TIGAR: variants seen among roughly 807,000 people sequenced by gnomAD.
TIGAR encodes the protein fructose-2,6-bisphosphatase TIGAR.
Under a neutral mutation model 17.9 loss-of-function variants are expected in TIGAR, and 7 were observed. That is an observed-to-expected ratio of 0.39 (90% CI 0.22 to 0.73). The LOEUF (loss-of-function observed/expected upper bound fraction) is 0.73, where lower values mean the gene tolerates loss of function less well. Ranked by LOEUF, TIGAR falls within the 30% of genes least tolerant of loss-of-function variation. TIGAR has a pLI of 0.42. For synonymous variants in TIGAR, 94 were observed against 108.6 expected (o/e 0.87, Z 0.84); for missense variants, 258 against 327.4 (o/e 0.79, Z 1.64).
At chr12:4,351,991 C>G (rs1390016752) in intron 5 of TIGAR, among the ~76,000 whole-genome samples, 1 of 152,174 alleles carries the variant, frequency 6.6e-6, no homozygotes, top group African/African-American at 2.4e-5. Context: ...CTAACTAGAC[C>G]GTGAGTGCTT....
Position 4,351,384 on chromosome 12 carries a change from G to A in TIGAR, c.381+7G>A, listed in dbSNP as rs1232526094. 1 of 1,610,106 alleles carries A rather than the reference G, an allele frequency of 6.2e-7. No individual in the cohort carries two copies. The highest frequency in any genetic ancestry group is 1.1e-5 in the South Asian group (1 of 90,948). ...AGGAGAGACGCTGGACCAGGTATGT[G>A]GCGCTGCCGATGTCAGAATGGTTGA... On this transcript the variant is annotated splice_region_variant and intron_variant, in intron 5 of 5. Transcript: ENST00000179259.
At position 4,358,287 on chromosome 12, in the gene TIGAR, C is replaced by CA. The variant is rs1203284222; in HGVS notation, c.*5611dup. 0.013 allele frequency among the ~76,000 whole-genome samples: 1,434 copies of CA among 109,520 alleles called. 16 individuals carry two copies. Among genetic ancestry groups the CA allele is most frequent in the East Asian group, 0.052 (208 of 3,998 alleles). 71.8% of individuals were successfully genotyped at this position (109,520 alleles called of 152,430 possible). On this transcript the variant is annotated 3_prime_UTR_variant, in exon 6 of 6. Transcript: ENST00000179259. ...AATACAAAAATTAGCTGGGCGTCTC[C>CA]AAAAAAAAAAAAAAAGAAAAAGAAA...
At position 4,353,651 on chromosome 12, in the gene TIGAR, A is replaced by T. The variant is rs1442035998; in HGVS notation, c.*960A>T. The T allele has an allele frequency of 6.6e-6, 1 of 152,224 alleles. No homozygotes were observed. The highest frequency in any genetic ancestry group is 2.1e-4 in the South Asian group (1 of 4,826). 9.4% of individuals were successfully genotyped at this position (152,224 alleles called of 1,614,324 possible). A position where few individuals can be genotyped will look rare whatever the true frequency, so the allele number is the denominator to read the frequency against. On this transcript the variant is annotated 3_prime_UTR_variant, in exon 6 of 6. Transcript: ENST00000179259. Reference sequence around the variant, plus strand: ...GGAATTCTAGACCAGCCTGGCCAACAATGGTGAAACCCTGTCTCTACTACA... The same window carrying T: ...GGAATTCTAGACCAGCCTGGCCAACTATGGTGAAACCCTGTCTCTACTACA...
In TIGAR at chr12:4,352,799, C is replaced by A; in HGVS notation, c.*108C>A. ...TTCTGATTTGGAAACAGTTAAAAGC[C>A]AATTTTTAGCTCCAGTGGAACCATA... On this transcript the variant is annotated 3_prime_UTR_variant, in exon 6 of 6. Transcript: ENST00000179259. 1 of 1,003,096 alleles carries A rather than the reference C, an allele frequency of 1.0e-6. No individual in the cohort carries two copies. Among genetic ancestry groups the A allele is most frequent in the Non-Finnish European group, 1.4e-6 (1 of 699,982 alleles). The allele number at this position is 1,003,096 out of a possible 1,614,324, so 62.1% of individuals were successfully genotyped here.
chr12:4,340,391 G>A (rs1434890177), intron 3 of TIGAR, among the ~76,000 whole-genome samples: 2 of 152,114 alleles, frequency 1.3e-5, no homozygotes, highest in African/African-American at 4.8e-5. Context: ...GATGAAAGAA[G>A]TTAAAGAGGA....
At chr12:4,334,314 C>T (rs1475675697) in intron 2 of TIGAR, among the ~76,000 whole-genome samples, 1 of 152,126 alleles carries the variant, frequency 6.6e-6, no homozygotes, top group Non-Finnish European at 1.5e-5. Context: ...GGTTAATATC[C>T]TCACATGGCA....
chr12:4,359,073 C>T lies in TIGAR; in HGVS notation c.*6382C>T, dbSNP rs2120711841. The stretch of plus-strand genomic sequence containing the variant: ...TGGTTCCTCATTAAATTTGCAACTA[C>T]TCTTTTAGCCTTTATTGTTTATTTT... On this transcript the variant is annotated 3_prime_UTR_variant, in exon 6 of 6. Transcript: ENST00000179259. Among the ~76,000 whole-genome samples, 1 of 149,180 alleles carries T rather than the reference C, an allele frequency of 6.7e-6. No individual in the cohort carries two copies. The highest frequency in any genetic ancestry group is 2.1e-4 in the South Asian group (1 of 4,652).
At chr12:4,352,009 A>C (rs919614828) in intron 5 of TIGAR, among the ~76,000 whole-genome samples, 2 of 152,220 alleles carry the variant, frequency 1.3e-5, no homozygotes, top group African/African-American at 2.4e-5. Context: ...CTTTGAACTC[A>C]GGAATTGGGA....
In TIGAR at chr12:4,359,337, G is replaced by T. The variant is rs1565453726; in HGVS notation, c.*6646G>T. Among the ~76,000 whole-genome samples the T allele has an allele frequency of 1.3e-5, 2 of 152,096 alleles. No homozygotes were observed. Among genetic ancestry groups the T allele is most frequent in the East Asian group, 3.9e-4 (2 of 5,182 alleles). On this transcript the variant is annotated 3_prime_UTR_variant, in exon 6 of 6. Coordinates refer to ENST00000179259, the MANE Select transcript of TIGAR (RefSeq NM_020375.3). ...CTTTCAGGCTGGCTCTTATGTTCTG[G>T]TGACATAATCTCATCCTTCTTTAAG...
rs201324724 is a variant in TIGAR at position 4,358,725 on chromosome 12, CTTTT to C, written c.*6044_*6047del. Among the ~76,000 whole-genome samples, 1 of 141,796 alleles carries C rather than the reference CTTTT, an allele frequency of 7.1e-6. No homozygotes were observed. The highest frequency in any genetic ancestry group is 1.5e-5 in the Non-Finnish European group (1 of 64,860). The allele number at this position is 141,796 out of a possible 152,430, so 93.0% of individuals were successfully genotyped here. A position where few individuals can be genotyped will look rare whatever the true frequency, so the allele number is the denominator to read the frequency against. ...AATTATTTTGTTGATGTACCTGTGG[CTTTT>C]TTTTTTTTTCTGAATCAAGAATCCA... is the stretch of plus-strand genomic sequence containing the variant. On this transcript the variant is annotated 3_prime_UTR_variant, in exon 6 of 6. Coordinates refer to ENST00000179259, the MANE Select transcript of TIGAR (RefSeq NM_020375.3).
At position 4,353,945 on chromosome 12, in the gene TIGAR, C is replaced by G. The variant is rs1203832244; in HGVS notation, c.*1254C>G. The G allele has an allele frequency of 6.6e-6, 1 of 152,490 alleles. No homozygotes were observed. Among genetic ancestry groups the G allele is most frequent in the African/African-American group, 2.4e-5 (1 of 41,394 alleles). 9.4% of individuals were successfully genotyped at this position (152,490 alleles called of 1,614,324 possible). ...CAGGTGAGGTTGCCTCTTCTTTCCA[C>G]CAGATGGCACTGGAGAAAAGGGATT... On this transcript the variant is annotated 3_prime_UTR_variant, in exon 6 of 6. Transcript: ENST00000179259.
intron 2 of TIGAR, among the ~76,000 whole-genome samples, chr12:4,333,084 G>A (rs1864620861): frequency 6.6e-6 from 1 of 152,000 alleles, no homozygotes; most frequent in Non-Finnish European, 1.5e-5. Flanking sequence ...TTCTTATAGT[G>A]GTCCCCAAAT....
At chr12:4,342,521 G>A (rs1381944008) in intron 3 of TIGAR, among the ~76,000 whole-genome samples, 1 of 152,234 alleles carries the variant, frequency 6.6e-6, no homozygotes, top group African/African-American at 2.4e-5. Context: ...AACCCCATCA[G>A]ACTAACAGCA....
In TIGAR at chr12:4,358,419, C is replaced by T. The variant is rs945911801; in HGVS notation, c.*5728C>T. 6.6e-6 allele frequency among the ~76,000 whole-genome samples: 1 copy of T among 152,070 alleles called. No homozygotes were observed. On this transcript the variant is annotated 3_prime_UTR_variant, in exon 6 of 6. Transcript: ENST00000179259. ...ATTTATCAAACCTACAGAAAAGTTGCAAGAACAGTAGAAGGAATGGCTGTA... is the reference window on the plus strand; with the variant it reads ...ATTTATCAAACCTACAGAAAAGTTGTAAGAACAGTAGAAGGAATGGCTGTA...
At chr12:4,330,958 T>A (rs1216156450) in intron 1 of TIGAR, among the ~76,000 whole-genome samples, 1 of 152,238 alleles carries the variant, frequency 6.6e-6, no homozygotes, top group East Asian at 1.9e-4. Flanking sequence ...GATCAATATA[T>A]TTCTTTTAAC....
At chr12:4,327,891 C>T (rs1411059187) in intron 1 of TIGAR, among the ~76,000 whole-genome samples, 1 of 152,102 alleles carries the variant, frequency 6.6e-6, no homozygotes, top group Non-Finnish European at 1.5e-5. Context: ...TGGTCTCAAA[C>T]TCCTGACCTC....
Position 4,337,136 on chromosome 12 carries a change from C to T in TIGAR, c.168C>T (p.Ser56=), listed in dbSNP as rs1406736825. 11 of 1,612,612 alleles carry T rather than the reference C, an allele frequency of 6.8e-6. No individual in the cohort carries two copies. The highest frequency in any genetic ancestry group is 9.3e-6 in the Non-Finnish European group (11 of 1,178,918). The change falls in exon 3 of 6, where the codon TCC becomes TCT. Residue 56 remains serine (S), a synonymous_variant. Transcript: ENST00000179259. ...LNNVKFTHAF[S]SDLMRTKQTM... ...ATGTGAAGTTTACTCATGCTTTCTC[C>T]AGTGATCTCATGAGGACAAAGCAGG...
At chr12:4,327,963 G>C (rs1280302876) in intron 1 of TIGAR, among the ~76,000 whole-genome samples, 1 of 152,116 alleles carries the variant, frequency 6.6e-6, no homozygotes, top group Non-Finnish European at 1.5e-5. Context: ...ACCGCGCCCA[G>C]CCGAGGATGT....
At chr12:4,324,696 A>G (rs1408191635) in intron 1 of TIGAR, 42 of 914,500 alleles carry the variant, frequency 4.6e-5, no homozygotes, top group Non-Finnish European at 6.8e-5. Flanking sequence ...GCTGGCACGC[A>G]CTGTACAGCT....
Sources: gnomAD v4.1 joint callset for allele counts (sites outside exome capture counted in the v4.1 genomes callset) on GRCh38, gnomAD v4.1.1 for gene constraint, MANE v1.5 for transcripts, NCBI Gene and HGNC (gene_info 2026-07-23, HGNC 2026-07-21) for gene names.